WASF3: variants seen among roughly 807,000 people sequenced by gnomAD.
The protein encoded by WASF3 is actin-binding protein WASF3.
Under a neutral mutation model 46.6 loss-of-function variants are expected in WASF3, and 11 were observed. The ratio of observed to expected loss-of-function variants is 0.24; its 90% CI spans 0.15 to 0.39. The LOEUF (loss-of-function observed/expected upper bound fraction) is 0.39. Ranked by LOEUF, WASF3 falls within the 10% of genes least tolerant of loss-of-function variation. The pLI is 1.00. For missense variants in WASF3, 576 were observed against 669.8 expected (o/e 0.86, Z 1.55); for synonymous variants, 242 against 259.7 (o/e 0.93, Z 0.65).
intron 1 of WASF3, among the ~76,000 whole-genome samples, chr13:26,567,011 A>G (rs919808628): frequency 2.0e-5 from 3 of 152,210 alleles, no homozygotes; most frequent in Non-Finnish European, 2.9e-5. Flanking sequence ...AATTGGTTAC[A>G]TTGAAAGGTG....
At chr13:26,680,181 A>T in intron 7 of WASF3, 1 of 1,587,624 alleles carries the variant, frequency 6.3e-7, no homozygotes, top group Non-Finnish European at 8.5e-7. Flanking sequence ...GGAGCGCCAA[A>T]GAGGACAGAG....
intron 1 of WASF3, among the ~76,000 whole-genome samples, chr13:26,597,613 C>T (rs557912226): frequency 6.6e-6 from 1 of 152,106 alleles, no homozygotes; most frequent in Non-Finnish European, 1.5e-5. Flanking sequence ...TAATGCTATC[C>T]CTCTGCCTTC....
At chr13:26,632,095 A>G (rs1881669133) in intron 2 of WASF3, among the ~76,000 whole-genome samples, 1 of 152,178 alleles carries the variant, frequency 6.6e-6, no homozygotes, top group Admixed American at 6.6e-5. Flanking sequence ...GGTTTTCTAA[A>G]TATACAATCA....
At chr13:26,550,286 GCAGTGCATTTTAGTTCCCCT>G in the WASF3 span, among the ~76,000 whole-genome samples, 1 of 152,064 alleles carries the variant, frequency 6.6e-6, no homozygotes, top group African/African-American at 2.4e-5. Context: ...TCAAATAAGT[GCAGTGCATTTTAGTTCCCCT>G]CATAAGCTTT....
At chr13:26,604,333 T>G (rs1880729679) in intron 1 of WASF3, among the ~76,000 whole-genome samples, 1 of 152,170 alleles carries the variant, frequency 6.6e-6, no homozygotes, top group Non-Finnish European at 1.5e-5. Flanking sequence ...GGGGAGCCTG[T>G]TGGATAAGAG....
intron 3 of WASF3, among the ~76,000 whole-genome samples, chr13:26,658,908 C>CAGA (rs536221177): frequency 8.5e-5 from 13 of 152,200 alleles, no homozygotes; most frequent in Admixed American, 2.0e-4. Context: ...ATTCCGAAAT[C>CAGA]TTTTCTGAGT....
intron 1 of WASF3, among the ~76,000 whole-genome samples, chr13:26,595,425 G>A (rs1880431454): frequency 6.6e-6 from 1 of 152,166 alleles, no homozygotes; most frequent in South Asian, 2.1e-4. Context: ...TTCCCCAAAG[G>A]TGACATCTTT....
At chr13:26,568,513 A>G (rs754942109) in intron 1 of WASF3, among the ~76,000 whole-genome samples, 2 of 152,154 alleles carry the variant, frequency 1.3e-5, no homozygotes, top group East Asian at 1.9e-4. Flanking sequence ...CTCTGATTGT[A>G]TATCAGAGCT....
chr13:26,630,810 C>CT (rs1482700088), intron 2 of WASF3, among the ~76,000 whole-genome samples: 1 of 152,220 alleles, frequency 6.6e-6, no homozygotes, highest in Non-Finnish European at 1.5e-5. Context: ...TCCACATCCT[C>CT]TCCAGCATAT....
chr13:26,640,294 T>C (rs1430649811), intron 2 of WASF3: 1 of 152,170 alleles, frequency 6.6e-6, no homozygotes, highest in African/African-American at 2.4e-5. Flanking sequence ...ATTCCAGTCA[T>C]TGGATTTTCT....
intron 1 of WASF3, among the ~76,000 whole-genome samples, chr13:26,564,154 T>G (rs1879385928): frequency 6.6e-6 from 1 of 152,202 alleles, no homozygotes; most frequent in African/African-American, 2.4e-5. Flanking sequence ...ATAAGAATGT[T>G]TAACATGACC....
chr13:26,687,467 T>C lies in WASF3; in HGVS notation c.*1622T>C, dbSNP rs1172416003. 1 of 152,146 alleles carries C rather than the reference T, an allele frequency of 6.6e-6. No homozygotes were observed. The highest frequency in any genetic ancestry group is 1.5e-5 in the Non-Finnish European group (1 of 68,050). The allele number at this position is 152,146 out of a possible 1,614,324, so 9.4% of individuals were successfully genotyped here. A position where few individuals can be genotyped will look rare whatever the true frequency, so the allele number is the denominator to read the frequency against. ...CTCGAGTGGCTACCTGTTGGGCTTGTGGGCAGTGATTGTACAGAGCCTGTC... is the reference window on the plus strand; with the variant it reads ...CTCGAGTGGCTACCTGTTGGGCTTGCGGGCAGTGATTGTACAGAGCCTGTC... On this transcript the variant is annotated 3_prime_UTR_variant, in exon 10 of 10. Coordinates refer to ENST00000335327, the MANE Select transcript of WASF3 (RefSeq NM_006646.6).
At chr13:26,655,634 AT>A (rs58536067) in intron 3 of WASF3, among the ~76,000 whole-genome samples, 2 of 152,176 alleles carry the variant, frequency 1.3e-5, no homozygotes, top group South Asian at 2.1e-4. Flanking sequence ...CAGAATGGTG[AT>A]TTTTTTGTCA....
At chr13:26,605,722 G>T (rs537423344) in intron 1 of WASF3, among the ~76,000 whole-genome samples, 13 of 152,232 alleles carry the variant, frequency 8.5e-5, no homozygotes, top group African/African-American at 3.1e-4. Context: ...TTACCCGAAG[G>T]CAGAAACATC....
intron 5 of WASF3, among the ~76,000 whole-genome samples, chr13:26,669,885 G>C (rs1882880337): frequency 6.6e-6 from 1 of 152,174 alleles, no homozygotes; most frequent in Non-Finnish European, 1.5e-5. Context: ...TGGAGAAATA[G>C]GAACGCTTTT....
chr13:26,629,249 CA>C (rs1462437274), intron 2 of WASF3, among the ~76,000 whole-genome samples: 3 of 152,184 alleles, frequency 2.0e-5, no homozygotes, highest in Admixed American at 1.3e-4. Context: ...TGGAGGTTAA[CA>C]AGTGATACAG....
upstream of WASF3, among the ~76,000 whole-genome samples, chr13:26,553,678 G>T (rs1259416755): frequency 1.3e-5 from 2 of 151,946 alleles, no homozygotes; most frequent in Non-Finnish European, 2.9e-5. Flanking sequence ...TTAGCCAGTT[G>T]TGGTGGCGGG....
chr13:26,684,409 C>T (rs779738581), intron 9 of WASF3, among the ~76,000 whole-genome samples: 4 of 151,896 alleles, frequency 2.6e-5, no homozygotes, highest in Non-Finnish European at 5.9e-5. Flanking sequence ...TCTTCAAAAA[C>T]GAGAAGGTTG....
At chr13:26,639,290 G>T (rs1881923045) in intron 2 of WASF3, among the ~76,000 whole-genome samples, 1 of 152,188 alleles carries the variant, frequency 6.6e-6, no homozygotes, top group African/African-American at 2.4e-5. Flanking sequence ...CCAAATAGAG[G>T]TTTAATGAAC....
Sources: allele counts gnomAD v4.1 joint callset (sites outside exome capture counted in the v4.1 genomes callset), GRCh38; gene constraint gnomAD v4.1.1; transcripts MANE v1.5; gene names NCBI Gene and HGNC (gene_info 2026-07-23, HGNC 2026-07-21).